PITPNM3: variants seen among roughly 807,000 people sequenced by gnomAD.
PITPNM3 encodes membrane-associated phosphatidylinositol transfer protein 3.
A neutral mutation model predicts 102.0 loss-of-function variants in PITPNM3; 26 were observed. That is an observed-to-expected ratio of 0.25 (90% CI 0.19 to 0.35). PITPNM3 has a LOEUF of 0.35. Ranked by LOEUF, PITPNM3 falls within the 10% of genes least tolerant of loss-of-function variation. The probability of loss-of-function intolerance (pLI) is 1.00; values close to 1 mark genes in which losing one functional copy is unlikely to be tolerated. For synonymous variants in PITPNM3, 578 were observed against 558.6 expected (o/e 1.03, Z -0.49); for missense variants, 1,083 against 1,346.1 (o/e 0.80, Z 3.06).
intron 3 of PITPNM3, among the ~76,000 whole-genome samples, chr17:6,519,363 A>AAAAAAAAAAAC (rs1908370307): frequency 7.3e-6 from 1 of 137,566 alleles, no homozygotes; most frequent in African/African-American, 3.0e-5. Context: ...AAAAAAAAAA[A>AAAAAAAAAAAC]AAAAAAATTA....
intron 11 of PITPNM3, among the ~76,000 whole-genome samples, chr17:6,471,653 G>A (rs1422003141): frequency 6.6e-6 from 1 of 152,234 alleles, no homozygotes; most frequent in Non-Finnish European, 1.5e-5. Context: ...AAGCTGCAGA[G>A]GGAGCCTCTG....
chr17:6,541,467 A>G (rs1465533163), intron 1 of PITPNM3, among the ~76,000 whole-genome samples: 1 of 152,098 alleles, frequency 6.6e-6, no homozygotes, highest in Non-Finnish European at 1.5e-5. Flanking sequence ...GGCTGGGGCC[A>G]ATGATTGAAG....
rs1905053851 is a variant in PITPNM3, at chr17:6,471,203, A to C, written c.1582T>G (p.Ser528Ala). The change falls in exon 12 of 20, where the codon TCG (serine) becomes GCG (alanine). Residue 528 changes from serine to alanine, a missense_variant. Physicochemically the swap from Ser to Ala is moderately conservative, Grantham distance 99. Transcript: ENST00000262483. ...GGTGCCATGCTGTCCGAGGACTCCG[A>C]GCTCTCGCTGTGGGAGCTCCCCTCG... ...MSEGSSHSES[S>A]ESSDSMAPVG... 1.9e-6 allele frequency: 3 copies of C among 1,613,060 alleles called. No individual in the cohort carries two copies. The highest frequency in any genetic ancestry group is 1.3e-5 in the African/African-American group (1 of 74,910).
At chr17:6,474,742 C>A in intron 9 of PITPNM3, 138 bp from the exon 10 acceptor site, 6 of 1,060,348 alleles carry the variant, frequency 5.7e-6, no homozygotes, top group Non-Finnish European at 8.1e-6. Flanking sequence ...TGAGAGTCCA[C>A]CGGCTGCACA....
At chr17:6,464,546 C>A in intron 15 of PITPNM3, 109 bp downstream of exon 15, 1 of 1,231,736 alleles carries the variant, frequency 8.1e-7, no homozygotes, top group Non-Finnish European at 1.2e-6. Context: ...TGTGCTTCCA[C>A]CCCAGGCAGC....
At position 6,478,632 on chromosome 17, in the gene PITPNM3, T is replaced by C; in HGVS notation, c.692A>G (p.Asp231Gly). 1 of 1,613,996 alleles carries C rather than the reference T, an allele frequency of 6.2e-7. No individual in the cohort carries two copies. Among genetic ancestry groups the C allele is most frequent in the Non-Finnish European group, 8.5e-7 (1 of 1,179,988 alleles). ...TCGCTCGATGACGGTGGCGACAGCA[T>C]CCTGGTACTGCGGGGAGGAGATGGC... is the stretch of plus-strand genomic sequence containing the variant. ...LLAISSPQYQ[D>G]AVATVIERAN... The change falls in exon 7 of 20, where the codon GAT (aspartate) becomes GGT (glycine). Residue 231 changes from aspartate (D) to glycine (G), a missense_variant. By Grantham distance (94) the Asp-to-Gly change is moderately conservative. Transcript: ENST00000262483. This position sits in a 1 kb window ranked among gnomAD's most constrained non-coding sequence, Gnocchi z 4.4.
chr17:6,475,053 A>G (rs9899223), intron 9 of PITPNM3, among the ~76,000 whole-genome samples: 42,708 of 152,102 alleles, frequency 0.28, 6,690 homozygotes, highest in Middle Eastern at 0.41. Flanking sequence ...TGTTGGCCAC[A>G]CTGAGGATTC....
intron 19 of PITPNM3, among the ~76,000 whole-genome samples, chr17:6,456,145 T>C (rs1189599242): frequency 6.6e-6 from 1 of 152,100 alleles, no homozygotes; most frequent in Non-Finnish European, 1.5e-5. Context: ...AGCCTCAGCC[T>C]CCCGAGTAAC....
rs904411735 is a variant in PITPNM3 at position 6,458,898 on chromosome 17, C to T, written c.2491-1176G>A. Among the ~76,000 whole-genome samples the T allele has an allele frequency of 6.6e-6, 1 of 152,112 alleles. No individual in the cohort carries two copies. The highest frequency in any genetic ancestry group is 1.5e-5 in the Non-Finnish European group (1 of 68,024). Reference sequence around the variant, plus strand: ...GCTAAAGAAACAGAGCCACGCAGCTCTCACCTTCCATCTTCTTCCTGTCCT... The same window carrying T: ...GCTAAAGAAACAGAGCCACGCAGCTTTCACCTTCCATCTTCTTCCTGTCCT... On this transcript the variant is annotated intron_variant, in intron 18 of 19. Coordinates refer to ENST00000262483, the MANE Select transcript of PITPNM3 (RefSeq NM_031220.4). The surrounding 1 kb of genome is among the most constrained non-coding windows in gnomAD (Gnocchi z 5.1).
chr17:6,541,024 A>G (rs1459059589), intron 1 of PITPNM3, among the ~76,000 whole-genome samples: 1 of 152,196 alleles, frequency 6.6e-6, no homozygotes, highest in Non-Finnish European at 1.5e-5. Context: ...GGGCTGCCCA[A>G]CAAACTTCTG....
intron 4 of PITPNM3, among the ~76,000 whole-genome samples, chr17:6,488,618 A>G (rs936223701): frequency 1.3e-5 from 2 of 152,126 alleles, no homozygotes; most frequent in Non-Finnish European, 2.9e-5. Context: ...AGCATCATCC[A>G]CTGAGAAGCA....
At chr17:6,489,943 G>T (rs1279232774) in intron 4 of PITPNM3, among the ~76,000 whole-genome samples, 1 of 151,892 alleles carries the variant, frequency 6.6e-6, no homozygotes, top group Non-Finnish European at 1.5e-5. Context: ...GGCAGAGGTT[G>T]CAGTGAGCCG....
At chr17:6,506,912 C>T (rs1262735921) in intron 3 of PITPNM3, among the ~76,000 whole-genome samples, 4 of 152,220 alleles carry the variant, frequency 2.6e-5, no homozygotes, top group African/African-American at 9.6e-5. Flanking sequence ...CCAGGGTAGA[C>T]AAGAGTATTG....
At chr17:6,461,219 A>C (rs1904432753) in intron 18 of PITPNM3, among the ~76,000 whole-genome samples, 154 bp downstream of exon 18, 1 of 152,146 alleles carries the variant, frequency 6.6e-6, no homozygotes, top group South Asian at 2.1e-4. Context: ...AACCTACCTC[A>C]CAGGGCTGCT....
intron 2 of PITPNM3, among the ~76,000 whole-genome samples, chr17:6,528,464 A>ATG (rs1032800050): frequency 6.6e-6 from 1 of 151,720 alleles, no homozygotes; most frequent in Admixed American, 6.6e-5. Context: ...GTGCACGTGC[A>ATG]TGTGTGTGTG....
In PITPNM3 at chr17:6,536,425, G is replaced by A. The variant is rs548165991; in HGVS notation, c.118+1562C>T. Among the ~76,000 whole-genome samples the A allele has an allele frequency of 4.6e-5, 7 of 152,320 alleles. No homozygotes were observed. In the South Asian group the frequency reaches 1.5e-3, roughly 32 times the overall value. ...TTGAAGCTGTTGTTGTCTCACTGTG[G>A]GTTAGTTGCTATGGAGAAATTCAGC... On this transcript the variant is annotated intron_variant, in intron 2 of 19. Transcript: ENST00000262483.
chr17:6,485,122 G>A (rs374430515), intron 4 of PITPNM3, among the ~76,000 whole-genome samples: 5 of 151,816 alleles, frequency 3.3e-5, no homozygotes, highest in East Asian at 1.9e-4. Flanking sequence ...ATGCACGAAA[G>A]CCAGTCCCTC....
intron 2 of PITPNM3, among the ~76,000 whole-genome samples, chr17:6,534,250 A>C (rs11654807): frequency 0.68 from 103,387 of 152,052 alleles, 35,337 homozygotes; most frequent in Middle Eastern, 0.74. Flanking sequence ...TGCAGCATCT[A>C]ATCACTCCTG....
At chr17:6,549,807 C>T (rs1000187240) in intron 1 of PITPNM3, among the ~76,000 whole-genome samples, 3 of 152,186 alleles carry the variant, frequency 2.0e-5, no homozygotes, top group Non-Finnish European at 4.4e-5. Flanking sequence ...CCTCCCACAC[C>T]GAGCCCTTCC....
Sources: gnomAD v4.1 joint callset for allele counts (sites outside exome capture counted in the v4.1 genomes callset) on GRCh38, gnomAD v4.1.1 for gene constraint, Gnocchi (gnomAD v3.1) non-coding constraint, MANE v1.5 for transcripts, NCBI Gene and HGNC (gene_info 2026-07-23, HGNC 2026-07-21) for gene names.